Variants in CDC7 observed in about 807,000 individuals in gnomAD.
The protein encoded by CDC7 is cell division cycle 7.
Under a neutral mutation model 53.5 loss-of-function variants are expected in CDC7, and 34 were observed. The ratio of observed to expected loss-of-function variants is 0.64; its 90% CI spans 0.48 to 0.85. The LOEUF (loss-of-function observed/expected upper bound fraction) is 0.85. Ranked by LOEUF, CDC7 falls within the 40% of genes least tolerant of loss-of-function variation. The pLI is 0.00. For synonymous variants in CDC7, 211 were observed against 222.8 expected (o/e 0.95, Z 0.47); for missense variants, 594 against 679.7 (o/e 0.87, Z 1.40).
chr1:91,525,038 T>C lies in CDC7; in HGVS notation c.*603T>C, dbSNP rs2102417899. The C allele has an allele frequency of 6.6e-6, 1 of 152,284 alleles. No homozygotes were observed. The highest frequency in any genetic ancestry group is 2.1e-4 in the South Asian group (1 of 4,830). The allele number at this position is 152,284 out of a possible 1,614,324, so 9.4% of individuals were successfully genotyped here. ...CTTCATGAAAGCATTCTGGTGTGAA[T>C]TGCCATTTTTTTCTTACTGGCTTCT... On this transcript the variant is annotated 3_prime_UTR_variant, in exon 12 of 12. Transcript: ENST00000234626.
intron 9 of CDC7, 140 bp downstream of exon 9, chr1:91,515,137 A>G: frequency 1.8e-6 from 1 of 548,654 alleles, no homozygotes; most frequent in Non-Finnish European, 3.2e-6. Flanking sequence ...GAGCAGTAGT[A>G]TGTTGAAGAG....
At chr1:91,515,219 T>G (rs1667495524) in intron 9 of CDC7, among the ~76,000 whole-genome samples, 1 of 152,262 alleles carries the variant, frequency 6.6e-6, no homozygotes, top group Admixed American at 6.5e-5. Context: ...TGCTCTTATA[T>G]GCAAATAAGT....
chr1:91,511,559 C>A (rs1228151845), intron 4 of CDC7, 38 bp from the exon 5 acceptor site: 1 of 1,344,996 alleles, frequency 7.4e-7, no homozygotes. Flanking sequence ...GTCCCTCTGA[C>A]CTTTCTTCTA....
In CDC7 at chr1:91,507,916, A is replaced by T. The variant is rs150921591; in HGVS notation, c.178A>T (p.Ile60Phe). The T allele has an allele frequency of 1.5e-4, 238 of 1,560,300 alleles. 1 individual carries two copies. The African/African-American group carries it at 3.1e-3, about 20-fold the overall frequency. Residue 60 changes from isoleucine to phenylalanine, a missense_variant, in exon 3 of 12, where the codon ATT (isoleucine) becomes TTT (phenylalanine). Physicochemically the swap from Ile to Phe is conservative, Grantham distance 21 (BLOSUM62 0). Transcript: ENST00000234626. ...AVPQLSNVFKIEDKIGEGTFS... is the reference protein window; with the variant it reads ...AVPQLSNVFKFEDKIGEGTFS... ...ACCACAGCTTAGTAATGTGTTTAAGATTGAGGACAAAATTGGAGAAGGTAA... is the reference window on the plus strand; with the variant it reads ...ACCACAGCTTAGTAATGTGTTTAAGTTTGAGGACAAAATTGGAGAAGGTAA...
chr1:91,508,189 A>T (rs1667090064), intron 3 of CDC7, 73 bp from the exon 4 acceptor site: 2 of 1,240,258 alleles, frequency 1.6e-6, no homozygotes, highest in Non-Finnish European at 2.2e-6. Context: ...CAGTTTTTAC[A>T]ATCTATCTTA....
In CDC7 at chr1:91,524,229, C is replaced by A. The variant is rs1256204740; in HGVS notation, c.1519C>A (p.Gln507Lys). 3.1e-6 allele frequency: 5 copies of A among 1,613,724 alleles called. No individual in the cohort carries two copies. In the African/African-American group the frequency reaches 6.7e-5, roughly 22 times the overall value. Residue 507 changes from glutamine (Q) to lysine (K), a missense_variant, in exon 12 of 12, where the codon CAA becomes AAA. Transcript: ENST00000234626. Reference sequence around the variant, plus strand: ...TTGCCTCGTTCAAACACCTCCAGGACAATACTCAGGGAATTCATTTAAAAA... The same window carrying A: ...TTGCCTCGTTCAAACACCTCCAGGAAAATACTCAGGGAATTCATTTAAAAA... ...ASCLVQTPPG[Q>K]YSGNSFKKGD... is the part of the protein sequence containing the mutation.
At chr1:91,512,910 A>AT (rs199704036) in intron 6 of CDC7, 148 bp from the exon 7 acceptor site, 1,309 of 681,114 alleles carry the variant, frequency 1.9e-3, no homozygotes, top group Middle Eastern at 2.6e-3. Context: ...TGGAAAACTT[A>AT]TTTTTTTTTC....
At chr1:91,502,877 C>G (rs1049105460) in intron 2 of CDC7, among the ~76,000 whole-genome samples, 1 of 152,168 alleles carries the variant, frequency 6.6e-6, no homozygotes, top group East Asian at 1.9e-4. Context: ...ATGCCACTTT[C>G]ATCCAGTTTC....
At chr1:91,514,279 GGAACATTTA>G (rs1667439405) in intron 8 of CDC7, among the ~76,000 whole-genome samples, 1 of 152,070 alleles carries the variant, frequency 6.6e-6, no homozygotes, top group Non-Finnish European at 1.5e-5. Flanking sequence ...TTTCTCTAGA[GGAACATTTA>G]GAACATTAAG....
At chr1:91,503,839 T>C (rs1666832231) in intron 2 of CDC7, among the ~76,000 whole-genome samples, 1 of 152,174 alleles carries the variant, frequency 6.6e-6, no homozygotes, top group Non-Finnish European at 1.5e-5. Context: ...TTGTTTTGTT[T>C]TTGTTTTTGA....
chr1:91,514,851 G>A lies in CDC7; in HGVS notation c.951G>A (p.Leu317=). ...AGCAGTCAAAGACTGTGGATGTACT[G>A]TCTAGAAAGTTAGCAACAAAAAAGA... is the stretch of plus-strand genomic sequence containing the variant. ...LMKQSKTVDV[L]SRKLATKKKA... Residue 317 remains leucine (L), a synonymous_variant, in exon 9 of 12, where the codon CTG becomes CTA. Coordinates refer to ENST00000234626, the MANE Select transcript of CDC7 (RefSeq NM_003503.4). 2 of 1,612,862 alleles carry A rather than the reference G, an allele frequency of 1.2e-6. No homozygotes were observed. Among genetic ancestry groups the A allele is most frequent in the Non-Finnish European group, 1.7e-6 (2 of 1,179,368 alleles).
intron 9 of CDC7, among the ~76,000 whole-genome samples, chr1:91,515,491 C>T (rs1667510647): frequency 1.3e-5 from 2 of 152,092 alleles, no homozygotes; most frequent in South Asian, 4.2e-4. Flanking sequence ...ATTTTTATAC[C>T]TGTGAATTGC....
chr1:91,522,782 A>AT (rs1668032917), intron 11 of CDC7, among the ~76,000 whole-genome samples: 1 of 152,154 alleles, frequency 6.6e-6, no homozygotes, highest in South Asian at 2.1e-4. Context: ...GTCTTCAGTA[A>AT]TTGTTTGTTT....
At chr1:91,512,930 G>A in intron 6 of CDC7, 128 bp from the exon 7 acceptor site, 1 of 760,748 alleles carries the variant, frequency 1.3e-6, no homozygotes, top group South Asian at 2.5e-5. Context: ...CTTTTTTCCA[G>A]AATGTTATAA....
chr1:91,516,159 G>A (rs781216327), intron 10 of CDC7, among the ~76,000 whole-genome samples: 2 of 150,666 alleles, frequency 1.3e-5, no homozygotes, highest in East Asian at 2.0e-4. Flanking sequence ...AAATAAATAC[G>A]CAAAATGTAA....
Position 91,524,364 on chromosome 1 carries a change from C to G in CDC7, c.1654C>G (p.Leu552Val), listed in dbSNP as rs1481433948. Residue 552 changes from leucine (L) to valine (V), a missense_variant, in exon 12 of 12, where the codon CTA becomes GTA. Transcript: ENST00000234626. ...TGACCTGCTTGATAAACTTCTAGAT[C>G]TAAATCCAGCTTCAAGAATAACAGC... ...AYDLLDKLLD[L>V]NPASRITAEE... 1 of 1,613,122 alleles carries G rather than the reference C, an allele frequency of 6.2e-7. No individual in the cohort carries two copies.
chr1:91,520,903 C>G (rs1317645088), intron 11 of CDC7, among the ~76,000 whole-genome samples: 1 of 152,198 alleles, frequency 6.6e-6, no homozygotes, highest in Non-Finnish European at 1.5e-5. Flanking sequence ...CACGCAAGTT[C>G]TTCAAGACTG....
At chr1:91,518,381 G>C (rs964957868) in intron 10 of CDC7, among the ~76,000 whole-genome samples, 5 of 152,086 alleles carry the variant, frequency 3.3e-5, no homozygotes, top group African/African-American at 1.2e-4. Flanking sequence ...CAATCCCACT[G>C]CTGGGTATAT....
Position 91,513,935 on chromosome 1 carries a change from G to A in CDC7, c.823-13G>A. 1 of 1,579,510 alleles carries A rather than the reference G, an allele frequency of 6.3e-7. No homozygotes were observed. ...TATAATCCTTATTTTCCTTGTTTTT[G>A]TTGGTATTGTAGGAGGGATCTGTAG... On this transcript the variant is annotated splice_polypyrimidine_tract_variant and intron_variant, in intron 7 of 11. Coordinates refer to ENST00000234626, the MANE Select transcript of CDC7 (RefSeq NM_003503.4).
Sources: gnomAD v4.1 joint callset for allele counts (sites outside exome capture counted in the v4.1 genomes callset) on GRCh38, gnomAD v4.1.1 for gene constraint, MANE v1.5 for transcripts, NCBI Gene and HGNC (gene_info 2026-07-23, HGNC 2026-07-21) for gene names.